The following KAT2B variants were observed in gnomAD, a reference collection of about 807,000 sequenced individuals.
The protein encoded by KAT2B is lysine acetyltransferase 2B, also known as histone acetyltransferase KAT2B.
KAT2B carries 36 observed loss-of-function variants against 105.9 expected under a neutral mutation model. The observed-to-expected ratio is 0.34, with a 90% CI of 0.26 to 0.45. The LOEUF is 0.45. Ranked by LOEUF, KAT2B falls within the 20% of genes least tolerant of loss-of-function variation. The pLI, the probability that KAT2B is intolerant of heterozygous loss-of-function variation, is 1.00. For missense variants in KAT2B, 820 were observed against 1,021.6 expected (o/e 0.80, Z 2.69); for synonymous variants, 397 against 377.9 (o/e 1.05, Z -0.59).
At chr3:20,122,854 C>T (rs1161361506) in intron 9 of KAT2B, 50 bp downstream of exon 9, 2 of 1,557,450 alleles carry the variant, frequency 1.3e-6, no homozygotes, top group South Asian at 1.2e-5. Context: ...TTCTGCTCTC[C>T]TGGCCACTCC....
At position 20,049,809 on chromosome 3, in the gene KAT2B, A is replaced by G. The variant is rs78443473; in HGVS notation, c.303+9029A>G. 9.5e-3 allele frequency among the ~76,000 whole-genome samples: 1,441 copies of G among 152,328 alleles called. 10 individuals carry two copies. The highest frequency in any genetic ancestry group is 0.016 in the Non-Finnish European group (1,072 of 68,032). On this transcript the variant is annotated intron_variant, in intron 1 of 17. Coordinates refer to ENST00000263754, the MANE Select transcript of KAT2B (RefSeq NM_003884.5). Reference sequence around the variant, plus strand: ...CAAGACTGGTCACTGTGCTGGCCCAATAGAATTCTCTGTTGAAGAAAGATG... The same window carrying G: ...CAAGACTGGTCACTGTGCTGGCCCAGTAGAATTCTCTGTTGAAGAAAGATG...
intron 2 of KAT2B, among the ~76,000 whole-genome samples, chr3:20,076,120 A>G (rs1231471163): frequency 3.9e-5 from 6 of 152,128 alleles, no homozygotes; most frequent in Non-Finnish European, 5.9e-5. Context: ...AAAGGGGCTC[A>G]TGATGAACAA....
chr3:20,045,111 C>T (rs2125162389), intron 1 of KAT2B, among the ~76,000 whole-genome samples: 1 of 152,116 alleles, frequency 6.6e-6, no homozygotes, highest in East Asian at 1.9e-4. Context: ...ACCTCCCAGG[C>T]TCAAGTGATC....
At chr3:20,068,539 T>C (rs1368543042) in intron 1 of KAT2B, among the ~76,000 whole-genome samples, 1 of 151,994 alleles carries the variant, frequency 6.6e-6, no homozygotes, top group East Asian at 1.9e-4. Flanking sequence ...TCATCCTTTT[T>C]TCTTTCTTTC....
At chr3:20,102,410 A>T (rs1698926748) in intron 5 of KAT2B, among the ~76,000 whole-genome samples, 1 of 152,192 alleles carries the variant, frequency 6.6e-6, no homozygotes, top group African/African-American at 2.4e-5. Context: ...TTTAAATAAC[A>T]TTTTACATTA....
chr3:20,071,493 A>AACGTTTCAT (rs1698321152), intron 1 of KAT2B, among the ~76,000 whole-genome samples: 1 of 152,220 alleles, frequency 6.6e-6, no homozygotes, highest in East Asian at 1.9e-4. Flanking sequence ...GAAAGGTATG[A>AACGTTTCAT]ACCTTTCATA....
At chr3:20,106,963 A>G (rs78469082) in intron 5 of KAT2B, among the ~76,000 whole-genome samples, 425 of 15,218 alleles carry the variant, frequency 0.028, 12 homozygotes, top group South Asian at 0.14. Context: ...TTTTATGTGT[A>G]TATATATATA....
intron 2 of KAT2B, among the ~76,000 whole-genome samples, chr3:20,080,872 A>G (rs572281284): frequency 2.6e-5 from 4 of 152,256 alleles, no homozygotes; most frequent in Non-Finnish European, 5.9e-5. Context: ...TAAATAAAAT[A>G]TATTATTTAA....
chr3:20,091,456 G>A (rs1031081055), intron 2 of KAT2B, among the ~76,000 whole-genome samples: 19 of 151,732 alleles, frequency 1.3e-4, no homozygotes, highest in Non-Finnish European at 1.5e-4. Context: ...TTTTAGTTTT[G>A]TTGATCTTTT....
At position 20,132,114 on chromosome 3, in the gene KAT2B, C is replaced by T. The variant is rs547072879; in HGVS notation, c.1749+4565C>T. ...TTTGGGCCAGGCGTGGTGGCTCACA[C>T]CTGTAATCCCAGCACTTTGGGAGGC... is the stretch of plus-strand genomic sequence containing the variant. On this transcript the variant is annotated intron_variant, in intron 11 of 17. Coordinates refer to ENST00000263754, the MANE Select transcript of KAT2B (RefSeq NM_003884.5). Among the ~76,000 whole-genome samples, 6 of 152,312 alleles carry T rather than the reference C, an allele frequency of 3.9e-5. No individual in the cohort carries two copies. The East Asian group carries it at 7.7e-4, about 20-fold the overall frequency.
chr3:20,152,148 C>A (rs142898246), intron 17 of KAT2B, among the ~76,000 whole-genome samples, 184 bp from the exon 18 acceptor site: 9 of 152,124 alleles, frequency 5.9e-5, no homozygotes, highest in African/African-American at 2.2e-4. Context: ...AAAAAACCCA[C>A]AAAAGAATGA....
intron 13 of KAT2B, among the ~76,000 whole-genome samples, chr3:20,145,159 C>A (rs1007415090): frequency 1.3e-5 from 2 of 152,056 alleles, no homozygotes; most frequent in Non-Finnish European, 2.9e-5. Context: ...CACTTTTTTC[C>A]AATTGTATGT....
In KAT2B at chr3:20,126,036, G is replaced by A. The variant is rs746086370; in HGVS notation, c.1545G>A (p.Leu515=). The stretch of plus-strand genomic sequence containing the variant: ...CAAACAAGAAGATCCTGATGTGGCT[G>A]GTTGGCCTACAGAACGTTTTCTCCC... ...QKPNKKILMW[L]VGLQNVFSHQ... is the part of the protein sequence containing the mutation. Residue 515 remains leucine (L), a synonymous_variant, in exon 10 of 18, where the codon CTG becomes CTA. Transcript: ENST00000263754. 1.2e-6 allele frequency: 2 copies of A among 1,614,142 alleles called. No individual in the cohort carries two copies. Among genetic ancestry groups the A allele is most frequent in the Non-Finnish European group, 1.7e-6 (2 of 1,180,022 alleles).
chr3:20,115,711 C>T (rs754019198), intron 7 of KAT2B, among the ~76,000 whole-genome samples: 4 of 152,148 alleles, frequency 2.6e-5, no homozygotes, highest in Non-Finnish European at 5.9e-5. Flanking sequence ...TGACCACTGC[C>T]ATCAAAATAT....
chr3:20,149,495 CAAAA>C (rs56091316), intron 17 of KAT2B, among the ~76,000 whole-genome samples: 117 of 42,430 alleles, frequency 2.8e-3, no homozygotes, highest in South Asian at 0.019. Context: ...GACCGTATCT[CAAAA>C]AAAAAAAAAA....
At chr3:20,057,562 G>A (rs1384461594) in intron 1 of KAT2B, among the ~76,000 whole-genome samples, 1 of 152,180 alleles carries the variant, frequency 6.6e-6, no homozygotes, top group African/African-American at 2.4e-5. Flanking sequence ...CCACTGTGTC[G>A]AAGTCTGAGC....
At chr3:20,052,946 A>G (rs1697940993) in intron 1 of KAT2B, among the ~76,000 whole-genome samples, 1 of 152,248 alleles carries the variant, frequency 6.6e-6, no homozygotes, top group African/African-American at 2.4e-5. Flanking sequence ...ACTGCACTCC[A>G]GCCTGGGCGA....
chr3:20,143,161 C>A (rs565921359), intron 13 of KAT2B, among the ~76,000 whole-genome samples: 76 of 152,248 alleles, frequency 5.0e-4, no homozygotes, highest in African/African-American at 1.8e-3. Context: ...GATCATAGGA[C>A]TGAGCTGTGG....
chr3:20,111,183 T>C (rs1359941540), intron 5 of KAT2B, among the ~76,000 whole-genome samples: 1 of 152,232 alleles, frequency 6.6e-6, no homozygotes, highest in Non-Finnish European at 1.5e-5. Context: ...ACTATGCATT[T>C]TATATACAGT....
Sources: allele counts gnomAD v4.1 joint callset (sites outside exome capture counted in the v4.1 genomes callset), GRCh38; gene constraint gnomAD v4.1.1; transcripts MANE v1.5; gene names NCBI Gene and HGNC (gene_info 2026-07-23, HGNC 2026-07-21).